The following PCDHGA1 variants were observed in gnomAD, a reference collection of about 807,000 sequenced individuals.
The protein encoded by PCDHGA1 is protocadherin gamma subfamily A, 1.
In PCDHGA1, 32 loss-of-function variants were observed where a neutral mutation model predicts 58.0. The ratio of observed to expected loss-of-function variants is 0.55; its 90% CI spans 0.42 to 0.74. PCDHGA1 has a LOEUF of 0.74. Ranked by LOEUF, PCDHGA1 falls within the 30% of genes least tolerant of loss-of-function variation. PCDHGA1 has a pLI of 0.00. For missense variants in PCDHGA1, 1,205 were observed against 1,182.3 expected (o/e 1.02, Z -0.28); for synonymous variants, 498 against 501.1 (o/e 0.99, Z 0.08).
chr5:141,497,825 C>T (rs1015168533), intron 2 of PCDHGA1, among the ~76,000 whole-genome samples: 3 of 152,154 alleles, frequency 2.0e-5, no homozygotes, highest in Admixed American at 6.5e-5. Context: ...CAGGTGTGAT[C>T]GCCCCCGGCC....
chr5:141,477,553 A>T lies in PCDHGA1; in HGVS notation c.2422-17254A>T, dbSNP rs1478806410. 6.2e-7 allele frequency: 1 copy of T among 1,614,090 alleles called. No homozygotes were observed. Among genetic ancestry groups the T allele is most frequent in the Admixed American group, 1.7e-5 (1 of 60,028 alleles). On this transcript the variant is annotated intron_variant, in intron 1 of 3. Coordinates refer to ENST00000517417, the MANE Select transcript of PCDHGA1 (RefSeq NM_018912.3). The surrounding 1 kb of genome is among the most constrained non-coding windows in gnomAD (Gnocchi z 4.9). ...TCCCCGGGGCTCCAATACTAAACCT[A>T]AGTGTCTGGGACCCCGACGCCCCGC...
At chr5:141,433,560 G>A (rs1276743163) in intron 1 of PCDHGA1, among the ~76,000 whole-genome samples, 1 of 152,110 alleles carries the variant, frequency 6.6e-6, no homozygotes, top group East Asian at 1.9e-4. Flanking sequence ...TTCTGGCTGG[G>A]CGCGGTGGCT....
chr5:141,490,030 C>G lies in PCDHGA1; in HGVS notation c.2422-4777C>G, dbSNP rs1361758608. The G allele has an allele frequency of 1.2e-6, 2 of 1,614,150 alleles. No individual in the cohort carries two copies. Among genetic ancestry groups the G allele is most frequent in the African/African-American group, 2.7e-5 (2 of 74,936 alleles). The stretch of plus-strand genomic sequence containing the variant: ...ACCCATTGGTACTCTGCTGCTCCGC[C>G]TCAATGCCACTGATCCAGACGAGGG... On this transcript the variant is annotated intron_variant, in intron 1 of 3. Coordinates refer to ENST00000517417, the MANE Select transcript of PCDHGA1 (RefSeq NM_018912.3). This position sits in a 1 kb window ranked among gnomAD's most constrained non-coding sequence, Gnocchi z 5.4.
intron 1 of PCDHGA1, among the ~76,000 whole-genome samples, chr5:141,420,710 G>A (rs2096519301): frequency 6.6e-6 from 1 of 152,186 alleles, no homozygotes; most frequent in South Asian, 2.1e-4. Flanking sequence ...TTCCAGAAAT[G>A]TCGTTCCTTT....
intron 1 of PCDHGA1, chr5:141,424,482 T>C (rs779975685): frequency 1.3e-5 from 2 of 152,216 alleles, no homozygotes; most frequent in Non-Finnish European, 2.9e-5. Context: ...TACTTTGGTG[T>C]CTGTGTTTGT....
At chr5:141,492,509 C>T (rs1276866000) in intron 1 of PCDHGA1, among the ~76,000 whole-genome samples, 1 of 152,216 alleles carries the variant, frequency 6.6e-6, no homozygotes, top group African/African-American at 2.4e-5. Context: ...CCGGAGCCTC[C>T]TCTCACCTCT....
rs1243327893 is a variant in PCDHGA1, at chr5:141,491,671, C to A, written c.2422-3136C>A. 2.5e-6 allele frequency: 4 copies of A among 1,613,366 alleles called. No homozygotes were observed. Among genetic ancestry groups the A allele is most frequent in the Non-Finnish European group, 3.4e-6 (4 of 1,179,808 alleles). On this transcript the variant is annotated intron_variant, in intron 1 of 3. Coordinates refer to ENST00000517417, the MANE Select transcript of PCDHGA1 (RefSeq NM_018912.3). The surrounding 1 kb of genome is among the most constrained non-coding windows in gnomAD (Gnocchi z 6.9). Reference sequence around the variant, plus strand: ...GCTGGAGCCTGACGCCATCCGGTCCCGCTCTAATACGCTGCGGGAGCGGAG... The same window carrying A: ...GCTGGAGCCTGACGCCATCCGGTCCAGCTCTAATACGCTGCGGGAGCGGAG...
intron 1 of PCDHGA1, chr5:141,370,499 C>T (rs552448276): frequency 2.5e-6 from 4 of 1,613,946 alleles, no homozygotes; most frequent in Non-Finnish European, 3.4e-6. Flanking sequence ...CGATCCGCTA[C>T]GCTATTCCCG....
Position 141,486,829 on chromosome 5 carries a change from T to A in PCDHGA1, c.2422-7978T>A. 1 of 1,614,178 alleles carries A rather than the reference T, an allele frequency of 6.2e-7. No individual in the cohort carries two copies. On this transcript the variant is annotated intron_variant, in intron 1 of 3. Coordinates refer to ENST00000517417, the MANE Select transcript of PCDHGA1 (RefSeq NM_018912.3). The surrounding 1 kb of genome is among the most constrained non-coding windows in gnomAD (Gnocchi z 5.0). ...CCCTTAGCAGCACTGTAACAGTTCG[T>A]CTATTTGTGCTGGACCTCAATGACA...
intron 1 of PCDHGA1, chr5:141,352,703 A>G (rs775340897): frequency 1.7e-5 from 26 of 1,547,670 alleles, no homozygotes; most frequent in Admixed American, 7.8e-5. Flanking sequence ...AATTTTATAT[A>G]TGGCGGCCGG....
chr5:141,361,638 T>G (rs756163399), intron 1 of PCDHGA1: 5 of 1,613,826 alleles, frequency 3.1e-6, no homozygotes, highest in East Asian at 2.2e-5. Context: ...CGCGGGAGAT[T>G]TTATCCTACG....
intron 1 of PCDHGA1, among the ~76,000 whole-genome samples, chr5:141,347,534 C>A (rs1461932058): frequency 1.3e-5 from 2 of 152,028 alleles, no homozygotes; most frequent in Non-Finnish European, 2.9e-5. Flanking sequence ...ATGCTGTAAT[C>A]CCAGCACTTT....
intron 1 of PCDHGA1, chr5:141,394,192 A>G: frequency 1.9e-6 from 3 of 1,613,840 alleles, no homozygotes; most frequent in East Asian, 2.2e-5. Flanking sequence ...TACTCAGCGT[A>G]TATCCTAGAG....
chr5:141,374,968 T>C, intron 1 of PCDHGA1: 2 of 1,614,056 alleles, frequency 1.2e-6, no homozygotes, highest in Non-Finnish European at 8.5e-7. Flanking sequence ...TCTGTTTGAA[T>C]GTTTTGACTG....
intron 1 of PCDHGA1, among the ~76,000 whole-genome samples, chr5:141,407,310 T>C (rs1468156890): frequency 6.6e-6 from 1 of 152,224 alleles, no homozygotes; most frequent in Non-Finnish European, 1.5e-5. Context: ...GTAGCCTTCA[T>C]ACTTAGTATT....
At chr5:141,394,327 T>C (rs747533347) in intron 1 of PCDHGA1, 1 of 1,613,944 alleles carries the variant, frequency 6.2e-7, no homozygotes. Context: ...TCCTCGTATA[T>C]CTCCATCAAC....
At chr5:141,419,757 G>A (rs1468216226) in intron 1 of PCDHGA1, 5 of 1,613,876 alleles carry the variant, frequency 3.1e-6, no homozygotes, top group African/African-American at 1.3e-5. Flanking sequence ...CGTGCTTTGG[G>A]TGACAAGGAC....
At chr5:141,365,563 C>A (rs754759386) in intron 1 of PCDHGA1, 51 of 1,613,580 alleles carry the variant, frequency 3.2e-5, no homozygotes, top group Non-Finnish European at 3.8e-5. Flanking sequence ...GGGACCTGGA[C>A]AGAGAAGAGA....
In PCDHGA1 at chr5:141,382,960, G is replaced by C. The variant is rs62621829; in HGVS notation, c.2421+49855G>C. The C allele has an allele frequency of 3.2e-4, 511 of 1,607,476 alleles. 2 individuals are homozygous for C. The highest frequency in any genetic ancestry group is 5.5e-5 in the Non-Finnish European group (65 of 1,175,660). On this transcript the variant is annotated intron_variant, in intron 1 of 3. Coordinates refer to ENST00000517417, the MANE Select transcript of PCDHGA1 (RefSeq NM_018912.3). ...ATTCTTCCTGCTCTCCATCCTCCTGGGGACCCCCTGGGAAGCCTGGGCAGG... is the reference window on the plus strand; with the variant it reads ...ATTCTTCCTGCTCTCCATCCTCCTGCGGACCCCCTGGGAAGCCTGGGCAGG...
Sources: gnomAD v4.1 joint callset for allele counts (sites outside exome capture counted in the v4.1 genomes callset) on GRCh38, gnomAD v4.1.1 for gene constraint, Gnocchi (gnomAD v3.1) non-coding constraint, MANE v1.5 for transcripts, NCBI Gene and HGNC (gene_info 2026-07-23, HGNC 2026-07-21) for gene names.